Variants in TENM1 observed in about 807,000 individuals in gnomAD.
TENM1 encodes teneurin transmembrane protein 1, also known as teneurin-1.
In TENM1, 35 loss-of-function variants were observed where a neutral mutation model predicts 174.8. The ratio of observed to expected loss-of-function variants is 0.20; its 90% confidence interval spans 0.15 to 0.27. TENM1 has a LOEUF of 0.27. Ranked by LOEUF, TENM1 falls within the 10% of genes least tolerant of loss-of-function variation. The pLI, the probability that TENM1 is intolerant of heterozygous loss-of-function variation, is 1.00. For synonymous variants in TENM1, 781 were observed against 798.7 expected, an observed-to-expected ratio of 0.98 and a Z score of 0.37; for missense variants, 1,633 against 2,130.1, an observed-to-expected ratio of 0.77 and a Z score of 4.59.
Position 124,551,997 on chromosome X carries a change from G to T in TENM1, c.2435-4907C>A, listed in dbSNP as rs375852927. Among the ~76,000 whole-genome samples the T allele has an allele frequency of 1.6e-4, 18 of 112,011 alleles. No individual in the cohort carries two copies. The East Asian group carries it at 4.8e-3, about 30-fold the overall frequency. Reference sequence around the variant, plus strand: ...GGAATGTGTTCATTTTATGAACTATGCTTGGTTAGGTTGTCAGGTAGGTAG... The same window carrying T: ...GGAATGTGTTCATTTTATGAACTATTCTTGGTTAGGTTGTCAGGTAGGTAG... On this transcript the variant is annotated intron_variant, in intron 14 of 31. Transcript: ENST00000422452.
intron 11 of TENM1, among the ~76,000 whole-genome samples, chrX:124,601,156 A>C (rs1395458618): frequency 1.8e-5 from 2 of 112,095 alleles, no homozygotes; most frequent in Admixed American, 1.9e-4. Flanking sequence ...AAGGTAAGAA[A>C]GTGGAGAAGT....
chrX:124,661,568 A>G (rs371216911), intron 6 of TENM1, among the ~76,000 whole-genome samples: 6 of 111,898 alleles, frequency 5.4e-5, no homozygotes, highest in African/African-American at 1.9e-4. Flanking sequence ...GTTATATGTC[A>G]GTTATCATTA....
At chrX:124,977,967 TGAGAGAGAGAGAGAGAGAGA>T in the TENM1 span, among the ~76,000 whole-genome samples, 5,143 of 32,948 alleles carry the variant, frequency 0.16, 312 homozygotes, top group Admixed American at 0.38. Flanking sequence ...TGTGTGTGTG[TGAGAGAGAGAGAGAGAGAGA>T]GAGAGAGAGA....
intron 1 of TENM1, among the ~76,000 whole-genome samples, chrX:124,953,201 T>C (rs1227461177): frequency 8.9e-6 from 1 of 112,089 alleles, no homozygotes. Flanking sequence ...ACTGTTAATA[T>C]GAAATATTGC....
chrX:124,465,786 T>C (rs2061234863), intron 22 of TENM1, among the ~76,000 whole-genome samples: 1 of 110,780 alleles, frequency 9.0e-6, no homozygotes, highest in African/African-American at 3.3e-5. Context: ...AGTTGATGCA[T>C]GCAACCTAAT....
rs111720350 is a variant in TENM1, at chrX:124,848,392, T to C, written c.535+45904A>G. Reference sequence around the variant, plus strand: ...CATCTGCAACGACCTCTATTGCACCTCCTATCACGTTCCTAAGAGTAACAC... The same window carrying C: ...CATCTGCAACGACCTCTATTGCACCCCCTATCACGTTCCTAAGAGTAACAC... On this transcript the variant is annotated intron_variant, in intron 3 of 31. Transcript: ENST00000422452. Among the ~76,000 whole-genome samples, 835 of 111,112 alleles carry C rather than the reference T, an allele frequency of 7.5e-3. 9 individuals are homozygous for C. Among genetic ancestry groups the C allele is most frequent in the African/African-American group, 0.026 (805 of 30,580 alleles).
At chrX:124,444,326 G>C (rs759790432) in intron 23 of TENM1, among the ~76,000 whole-genome samples, 1 of 112,332 alleles carries the variant, frequency 8.9e-6, no homozygotes, top group South Asian at 3.7e-4. Context: ...AATGGTGCAA[G>C]TGTAAGATGA....
chrX:124,467,103 C>T (rs1407602928), intron 22 of TENM1, among the ~76,000 whole-genome samples: 1 of 111,341 alleles, frequency 9.0e-6, no homozygotes, highest in Non-Finnish European at 1.9e-5. Flanking sequence ...TCCCCCAAAC[C>T]CATTAGACTG....
At chrX:124,786,239 TAA>T (rs201051715) in intron 3 of TENM1, among the ~76,000 whole-genome samples, 1,651 of 111,882 alleles carry the variant, frequency 0.015, 16 homozygotes, top group Middle Eastern at 0.028. Context: ...AAGACACGAA[TAA>T]ATAGGTATTT....
intron 3 of TENM1, among the ~76,000 whole-genome samples, chrX:124,816,112 A>G (rs947127115): frequency 8.9e-6 from 1 of 112,102 alleles, no homozygotes; most frequent in African/African-American, 3.2e-5. Flanking sequence ...TCAAGAGATG[A>G]TCACAAAGAT....
At chrX:124,671,763 T>C (rs1435587953) in exon 6 of TENM1, 1 of 1,210,871 alleles carries the variant, frequency 8.3e-7, no homozygotes, top group Non-Finnish European at 1.1e-6. Context: ...CCTGTTCCCT[T>C]TGCTAACTCC....
the TENM1 span, among the ~76,000 whole-genome samples, chrX:125,072,099 T>G: frequency 9.0e-6 from 1 of 110,894 alleles, no homozygotes; most frequent in South Asian, 3.8e-4. Context: ...CGGGTTTCCT[T>G]TTTCTCAGTC....
At chrX:124,636,701 T>C (rs1420231080) in intron 11 of TENM1, among the ~76,000 whole-genome samples, 1 of 112,051 alleles carries the variant, frequency 8.9e-6, no homozygotes, top group Non-Finnish European at 1.9e-5. Context: ...TCAGCAGACC[T>C]GGTTTCTTCT....
At chrX:124,769,976 T>C (rs1320253738) in intron 3 of TENM1, among the ~76,000 whole-genome samples, 2 of 111,911 alleles carry the variant, frequency 1.8e-5, no homozygotes, top group Admixed American at 9.5e-5. Flanking sequence ...AAACTATTTA[T>C]TCTAACTTAC....
intron 3 of TENM1, among the ~76,000 whole-genome samples, chrX:124,792,493 C>T (rs1427317418): frequency 8.9e-6 from 1 of 112,099 alleles, no homozygotes; most frequent in Non-Finnish European, 1.9e-5. Context: ...AAGGGACAGA[C>T]TTTGACAGTA....
the TENM1 span, among the ~76,000 whole-genome samples, chrX:125,051,602 C>T: frequency 4.2e-3 from 448 of 107,854 alleles, 3 homozygotes; most frequent in African/African-American, 0.014. Context: ...GAAAGGATTC[C>T]CTATTTAATA....
chrX:124,485,397 A>G (rs1231407517), intron 21 of TENM1, among the ~76,000 whole-genome samples: 1 of 111,170 alleles, frequency 9.0e-6, no homozygotes, highest in African/African-American at 3.3e-5. Flanking sequence ...AACTGCTTCA[A>G]TAGGGGTTTG....
At chrX:124,958,142 A>T (rs1403188766) in intron 1 of TENM1, among the ~76,000 whole-genome samples, 1 of 111,630 alleles carries the variant, frequency 9.0e-6, no homozygotes, top group Non-Finnish European at 1.9e-5. Context: ...CCTGTTAGCA[A>T]AGAATTGTGA....
chrX:124,814,060 T>G (rs1171100428), intron 3 of TENM1, among the ~76,000 whole-genome samples: 1 of 111,594 alleles, frequency 9.0e-6, no homozygotes, highest in African/African-American at 3.3e-5. Context: ...AAGGATAGAA[T>G]GGCCAAGAGG....
Sources: gnomAD v4.1 joint callset for allele counts (sites outside exome capture counted in the v4.1 genomes callset) on GRCh38, gnomAD v4.1.1 for gene constraint, MANE v1.5 for transcripts, NCBI Gene and HGNC (gene_info 2026-07-23, HGNC 2026-07-21) for gene names.